The following CNTNAP2 variants were observed in gnomAD, a reference collection of about 807,000 sequenced individuals.
The protein encoded by CNTNAP2 is contactin-associated protein-like 2.
Under a neutral mutation model 155.2 loss-of-function variants are expected in CNTNAP2, and 98 were observed. The ratio of observed to expected loss-of-function variants is 0.63; its 90% CI spans 0.54 to 0.75. The LOEUF is 0.75. CNTNAP2 is among the 30% of genes least tolerant of loss of function. The pLI, the probability that CNTNAP2 is intolerant of heterozygous loss-of-function variation, is 0.00. For missense variants in CNTNAP2, 1,727 were observed against 1,688.1 expected (o/e 1.02, Z -0.40); for synonymous variants, 651 against 631.2 (o/e 1.03, Z -0.47).
At chr7:146,380,477 C>G (rs1366666591) in intron 1 of CNTNAP2, among the ~76,000 whole-genome samples, 1 of 152,050 alleles carries the variant, frequency 6.6e-6, no homozygotes, top group Non-Finnish European at 1.5e-5. Flanking sequence ...GAAAGCATTT[C>G]TGGTTTTGTC....
chr7:147,238,455 TTTAA>T (rs1220008017), intron 8 of CNTNAP2, among the ~76,000 whole-genome samples: 2 of 152,150 alleles, frequency 1.3e-5, no homozygotes, highest in African/African-American at 2.4e-5. Context: ...CTCTAGTTGC[TTTAA>T]TTCTTTCTAA....
At chr7:147,124,377 A>T (rs1280619142) in intron 6 of CNTNAP2, among the ~76,000 whole-genome samples, 2 of 152,200 alleles carry the variant, frequency 1.3e-5, no homozygotes, top group Admixed American at 6.6e-5. Flanking sequence ...AGGTGGAGGT[A>T]TGCTGGTAAA....
intron 1 of CNTNAP2, among the ~76,000 whole-genome samples, chr7:146,708,588 ATTTTTTTTT>A (rs71165029): frequency 1.1e-4 from 7 of 63,956 alleles, no homozygotes; most frequent in African/African-American, 5.5e-4. Flanking sequence ...AAAAAAAGTG[ATTTTTTTTT>A]TTTTTTTTTT....
chr7:148,411,786 A>G (rs1243921137), intron 23 of CNTNAP2, among the ~76,000 whole-genome samples: 1 of 149,852 alleles, frequency 6.7e-6, no homozygotes, highest in African/African-American at 2.5e-5. Flanking sequence ...CATTTGTTGA[A>G]AAAAAAAAAA....
chr7:146,949,694 C>G (rs1219627344), intron 3 of CNTNAP2, among the ~76,000 whole-genome samples: 1 of 152,042 alleles, frequency 6.6e-6, no homozygotes, highest in Non-Finnish European at 1.5e-5. Context: ...ATCTTCAAGC[C>G]TCGTTTTCCT....
chr7:146,451,131 A>G (rs1054561079), intron 1 of CNTNAP2, among the ~76,000 whole-genome samples: 2 of 152,028 alleles, frequency 1.3e-5, no homozygotes, highest in Admixed American at 1.3e-4. Context: ...TATTTTTAGT[A>G]CAGACGGGGT....
intron 10 of CNTNAP2, among the ~76,000 whole-genome samples, chr7:147,426,610 A>G (rs1356323410): frequency 6.6e-6 from 1 of 152,182 alleles, no homozygotes; most frequent in African/African-American, 2.4e-5. Flanking sequence ...TGAATAGAAC[A>G]GAAAATATGT....
chr7:147,242,890 T>A (rs1429646424), intron 8 of CNTNAP2, among the ~76,000 whole-genome samples: 4 of 152,066 alleles, frequency 2.6e-5, no homozygotes, highest in Non-Finnish European at 4.4e-5. Flanking sequence ...AACCCATTGA[T>A]CTTTTTTCAG....
intron 1 of CNTNAP2, among the ~76,000 whole-genome samples, chr7:146,239,505 C>A (rs1447858255): frequency 1.3e-5 from 2 of 152,126 alleles, no homozygotes; most frequent in Non-Finnish European, 2.9e-5. Flanking sequence ...GATAGGATAA[C>A]CTGGAGAATC....
intron 14 of CNTNAP2, among the ~76,000 whole-genome samples, chr7:147,964,747 T>C (rs1244858127): frequency 1.3e-5 from 2 of 152,174 alleles, no homozygotes; most frequent in Admixed American, 1.3e-4. Context: ...TTATATGTCT[T>C]TTAATCTGTG....
intron 21 of CNTNAP2, among the ~76,000 whole-genome samples, chr7:148,323,046 G>T (rs1387772467): frequency 6.6e-6 from 1 of 151,910 alleles, no homozygotes; most frequent in Non-Finnish European, 1.5e-5. Flanking sequence ...CATCACTATT[G>T]TTATAATCAC....
At position 147,386,604 on chromosome 7, in the gene CNTNAP2, C is replaced by T. The variant is rs575721250; in HGVS notation, c.1499-9005C>T. 5.9e-5 allele frequency among the ~76,000 whole-genome samples: 9 copies of T among 152,308 alleles called. No homozygotes were observed. In the South Asian group the frequency reaches 1.7e-3, roughly 28 times the overall value. On this transcript the variant is annotated intron_variant, in intron 9 of 23. Transcript: ENST00000361727. ...CCAGTTCCCAGCAAGTTCCTCATCT[C>T]CATCTGAGACCACCTCAGCCTGGAT...
intron 3 of CNTNAP2, among the ~76,000 whole-genome samples, chr7:147,005,242 T>C (rs1156929685): frequency 6.6e-6 from 1 of 152,082 alleles, no homozygotes; most frequent in Non-Finnish European, 1.5e-5. Flanking sequence ...TTCATAACTT[T>C]AAAAAGGGAA....
chr7:148,098,170 G>A (rs192402762), intron 15 of CNTNAP2, among the ~76,000 whole-genome samples: 2 of 152,230 alleles, frequency 1.3e-5, no homozygotes, highest in Admixed American at 1.3e-4. Context: ...AAGAGGCTGG[G>A]CGCAGTGGCT....
intron 13 of CNTNAP2, among the ~76,000 whole-genome samples, chr7:147,717,693 T>A (rs906667029): frequency 6.6e-6 from 1 of 152,076 alleles, no homozygotes; most frequent in Admixed American, 6.6e-5. Context: ...TTCATACTAT[T>A]GATGAAAAAA....
At chr7:146,726,641 G>A (rs977491721) in intron 1 of CNTNAP2, among the ~76,000 whole-genome samples, 1 of 152,062 alleles carries the variant, frequency 6.6e-6, no homozygotes. Context: ...ACTCAGCCAT[G>A]CAATTAAATA....
chr7:148,287,649 C>T (rs1797105911), intron 21 of CNTNAP2, among the ~76,000 whole-genome samples: 1 of 152,152 alleles, frequency 6.6e-6, no homozygotes, highest in South Asian at 2.1e-4. Flanking sequence ...ATTCATGCTT[C>T]TGGAGGCTGG....
chr7:147,268,870 G>A (rs938680977), intron 8 of CNTNAP2, among the ~76,000 whole-genome samples: 2 of 152,174 alleles, frequency 1.3e-5, no homozygotes, highest in African/African-American at 2.4e-5. Context: ...TCCAGGTTTT[G>A]TGTAGCTGAA....
intron 21 of CNTNAP2, among the ~76,000 whole-genome samples, chr7:148,318,514 T>G (rs1053586627): frequency 2.0e-5 from 3 of 152,142 alleles, no homozygotes; most frequent in Non-Finnish European, 4.4e-5. Context: ...GATTGTTCAG[T>G]GAATCCCAAA....
Sources: gnomAD v4.1 joint callset for allele counts (sites outside exome capture counted in the v4.1 genomes callset) on GRCh38, gnomAD v4.1.1 for gene constraint, MANE v1.5 for transcripts, NCBI Gene and HGNC (gene_info 2026-07-23, HGNC 2026-07-21) for gene names.